Variants in SNX30 observed in about 807,000 individuals in gnomAD.
SNX30 encodes the protein sorting nexin-30.
SNX30 carries 24 observed loss-of-function variants against 46.4 expected under a neutral mutation model. The ratio of observed to expected loss-of-function variants is 0.52; its 90% confidence interval spans 0.37 to 0.73. The LOEUF (loss-of-function observed/expected upper bound fraction) is 0.73. SNX30 is among the 30% of genes least tolerant of loss of function. The probability of loss-of-function intolerance (pLI) is 0.00; values close to 1 mark genes in which losing one functional copy is unlikely to be tolerated. For synonymous variants in SNX30, 189 were observed against 211.5 expected (o/e 0.89, Z 0.92); for missense variants, 533 against 555.7 (o/e 0.96, Z 0.41).
chr9:112,812,374 G>C (rs986648114), intron 2 of SNX30, among the ~76,000 whole-genome samples: 1 of 152,088 alleles, frequency 6.6e-6, no homozygotes, highest in Non-Finnish European at 1.5e-5. Context: ...TCCTGCCTCA[G>C]CCTCCCGAGT....
rs10554051 is a variant in SNX30, at chr9:112,807,052, CTTTTTTTTTTTTTTTTT to C, written c.348+2099_348+2115del. On this transcript the variant is annotated intron_variant, in intron 2 of 8. Coordinates refer to ENST00000374232, the MANE Select transcript of SNX30 (RefSeq NM_001012994.2). Reference sequence around the variant, plus strand: ...TACTACTCTGTCTTTTCTTTTCTATCTTTTTTTTTTTTTTTTTTTTTTTTTTTTTTGAGACAGAGTCT... The same window carrying C: ...TACTACTCTGTCTTTTCTTTTCTATCTTTTTTTTTTTTTGAGACAGAGTCT... Among the ~76,000 whole-genome samples, 6 of 63,006 alleles carry C rather than the reference CTTTTTTTTTTTTTTTTT, an allele frequency of 9.5e-5. No homozygotes were observed. In the Admixed American group the frequency reaches 1.3e-3, roughly 13 times the overall value. The allele number at this position is 63,006 out of a possible 152,430, so 41.3% of individuals were successfully genotyped here.
intron 4 of SNX30, 22 bp downstream of exon 4, chr9:112,830,905 C>T (rs1222202197): frequency 1.3e-6 from 2 of 1,590,532 alleles, no homozygotes; most frequent in African/African-American, 2.7e-5. Context: ...AATTTACATC[C>T]TCTTCGTCCA....
At chr9:112,773,154 A>C (rs1839679320) in intron 1 of SNX30, among the ~76,000 whole-genome samples, 1 of 152,168 alleles carries the variant, frequency 6.6e-6, no homozygotes, top group South Asian at 2.1e-4. Flanking sequence ...GAGAGAATAG[A>C]GCCTTTAGAG....
intron 2 of SNX30, among the ~76,000 whole-genome samples, chr9:112,806,521 T>C (rs568841833): frequency 1.3e-5 from 2 of 152,338 alleles, no homozygotes; most frequent in Non-Finnish European, 2.9e-5. Flanking sequence ...TTTTTTCTTT[T>C]TCATTGTAGA....
intron 5 of SNX30, among the ~76,000 whole-genome samples, chr9:112,880,645 C>T (rs533974424): frequency 2.2e-4 from 34 of 152,298 alleles, no homozygotes; most frequent in African/African-American, 7.9e-4. Context: ...TGCTGTATAT[C>T]GTTAAACACT....
chr9:112,775,922 C>T (rs1035569408), intron 1 of SNX30, among the ~76,000 whole-genome samples: 7 of 151,910 alleles, frequency 4.6e-5, no homozygotes, highest in African/African-American at 1.5e-4. Flanking sequence ...AACACTCTTC[C>T]TTCATTTTTA....
intron 3 of SNX30, among the ~76,000 whole-genome samples, chr9:112,825,088 A>G (rs187803219): frequency 2.6e-5 from 4 of 152,314 alleles, no homozygotes; most frequent in Non-Finnish European, 5.9e-5. Flanking sequence ...ATTTTCAGTT[A>G]CCTTGGCTAT....
Position 112,850,935 on chromosome 9 carries a change from ACCGCCCC to A in SNX30, c.1092_1098del (p.Asp364GlufsTer21). On this transcript the variant is annotated frameshift_variant, in exon 7 of 9. Coordinates refer to ENST00000374232, the MANE Select transcript of SNX30 (RefSeq NM_001012994.2). LOFTEE classifies it high-confidence loss of function. ...GAAGCTGTGGCTCTGCGGAAGGAAG[ACCGCCCC>A]AAGGTCAGGGAAGCCACCTGGGAAG... 6.2e-7 allele frequency: 1 copy of A among 1,613,920 alleles called. No homozygotes were observed. Among genetic ancestry groups the A allele is most frequent in the East Asian group, 2.2e-5 (1 of 44,876 alleles).
At chr9:112,855,819 A>G (rs1841117155) in intron 7 of SNX30, among the ~76,000 whole-genome samples, 1 of 152,190 alleles carries the variant, frequency 6.6e-6, no homozygotes. Context: ...GAGAAGCGAC[A>G]TGCACTTACT....
rs1554748345 is a variant in SNX30, at chr9:112,768,647, C to CTTCTTCTTT, written c.156+17492_156+17493insCTTCTTTTT. ...AAGTTTCTCTAGATAATTCTTTCTT[C>CTTCTTCTTT]TTTTTTTTTTTTTTTTTTTTTTTTT... On this transcript the variant is annotated intron_variant, in intron 1 of 8. Coordinates refer to ENST00000374232, the MANE Select transcript of SNX30 (RefSeq NM_001012994.2). 4.8e-4 allele frequency among the ~76,000 whole-genome samples: 31 copies of CTTCTTCTTT among 64,354 alleles called. 1 individual carries two copies. Among genetic ancestry groups the CTTCTTCTTT allele is most frequent in the Middle Eastern group, 7.5e-3 (1 of 134 alleles). 42.2% of individuals were successfully genotyped at this position (64,354 alleles called of 152,430 possible).
chr9:112,845,271 T>G (rs946910761), intron 6 of SNX30, among the ~76,000 whole-genome samples: 4 of 152,038 alleles, frequency 2.6e-5, no homozygotes, highest in African/African-American at 9.7e-5. Context: ...GATTGAGAGT[T>G]AATAAGTACT....
Position 112,830,724 on chromosome 9 carries a change from G to T in SNX30, c.460-1G>T. 6.2e-7 allele frequency: 1 copy of T among 1,607,786 alleles called. No homozygotes were observed. The highest frequency in any genetic ancestry group is 8.5e-7 in the Non-Finnish European group (1 of 1,178,344). On this transcript the variant is annotated splice_acceptor_variant, in intron 3 of 8. Transcript: ENST00000374232. LOFTEE classifies it high-confidence loss of function. Reference sequence around the variant, plus strand: ...TGGTTTTTTTCTTCATGTCTTCATAGCCTCTTCCCGAGAAGTTTGTGGTAA... The same window carrying T: ...TGGTTTTTTTCTTCATGTCTTCATATCCTCTTCCCGAGAAGTTTGTGGTAA...
At chr9:112,854,830 C>T (rs1016194764) in intron 7 of SNX30, among the ~76,000 whole-genome samples, 2 of 152,224 alleles carry the variant, frequency 1.3e-5, no homozygotes, top group Non-Finnish European at 1.5e-5. Context: ...ATCCGCTCCT[C>T]AGCCTTTGTG....
intron 8 of SNX30, among the ~76,000 whole-genome samples, chr9:112,865,736 CAT>C (rs1491376043): frequency 1.2e-4 from 17 of 144,772 alleles, no homozygotes; most frequent in African/African-American, 1.8e-4. Context: ...TACATACACA[CAT>C]GAGTGAGTGT....
At chr9:112,752,247 C>G (rs1839290018) in intron 1 of SNX30, among the ~76,000 whole-genome samples, 1 of 152,118 alleles carries the variant, frequency 6.6e-6, no homozygotes, top group Admixed American at 6.5e-5. Flanking sequence ...GAGAGTGCGA[C>G]TTGATGTACC....
At chr9:112,849,383 T>C (rs1840989646) in intron 6 of SNX30, among the ~76,000 whole-genome samples, 1 of 152,232 alleles carries the variant, frequency 6.6e-6, no homozygotes. Context: ...AGTTCCCCAG[T>C]CCTGCTAGCT....
At chr9:112,875,846 G>C (rs1841510915), downstream of SNX30, 1 of 152,168 alleles carries the variant, frequency 6.6e-6, no homozygotes, top group African/African-American at 2.4e-5. Context: ...AAGTGCAGTG[G>C]CATGATCTCA....
intron 3 of SNX30, among the ~76,000 whole-genome samples, chr9:112,824,939 A>G (rs1840559645): frequency 6.6e-6 from 1 of 152,206 alleles, no homozygotes; most frequent in Non-Finnish European, 1.5e-5. Flanking sequence ...TATTTAATCC[A>G]GAACATTTTC....
At chr9:112,837,598 C>T (rs932833752) in intron 5 of SNX30, among the ~76,000 whole-genome samples, 1 of 151,984 alleles carries the variant, frequency 6.6e-6, no homozygotes, top group Admixed American at 6.6e-5. Flanking sequence ...GCCTCAGCCT[C>T]CTGAGTAGCT....
Sources: allele counts gnomAD v4.1 joint callset (sites outside exome capture counted in the v4.1 genomes callset), GRCh38; gene constraint gnomAD v4.1.1; transcripts MANE v1.5; gene names NCBI Gene and HGNC (gene_info 2026-07-23, HGNC 2026-07-21).